NFIB: variants seen among roughly 807,000 people sequenced by gnomAD.
NFIB encodes the protein nuclear factor I B, also known as nuclear factor 1 B-type.
A neutral mutation model predicts 61.5 loss-of-function variants in NFIB; 11 were observed. That is an observed-to-expected ratio of 0.18 (90% CI 0.11 to 0.30). NFIB has a LOEUF of 0.30. NFIB is among the 10% of genes least tolerant of loss of function. The pLI, the probability that NFIB is intolerant of heterozygous loss-of-function variation, is 1.00. For missense variants in NFIB, 471 were observed against 608.9 expected (o/e 0.77, Z 2.38); for synonymous variants, 260 against 216.5 (o/e 1.20, Z -1.76).
intron 2 of NFIB, among the ~76,000 whole-genome samples, chr9:14,230,216 C>T (rs1300419623): frequency 6.6e-6 from 1 of 152,214 alleles, no homozygotes; most frequent in East Asian, 1.9e-4. Context: ...GAAAGCCATT[C>T]ATTTATTAAT....
the NFIB span, among the ~76,000 whole-genome samples, chr9:14,506,918 G>C: frequency 6.6e-6 from 1 of 152,096 alleles, no homozygotes; most frequent in Non-Finnish European, 1.5e-5. Flanking sequence ...GACTTAAAAA[G>C]TAACACAAAT....
intron 6 of NFIB, among the ~76,000 whole-genome samples, chr9:14,129,334 T>C (rs1262520167): frequency 1.4e-5 from 2 of 145,350 alleles, no homozygotes; most frequent in Non-Finnish European, 1.5e-5. Flanking sequence ...CTACACAGCA[T>C]GCAGAAGGCA....
intron 2 of NFIB, among the ~76,000 whole-genome samples, chr9:14,202,785 G>GA (rs967391744): frequency 6.6e-6 from 1 of 152,046 alleles, no homozygotes; most frequent in African/African-American, 2.4e-5. Flanking sequence ...TATTTCTTAT[G>GA]AAAAAAATCA....
intron 1 of NFIB, among the ~76,000 whole-genome samples, chr9:14,312,892 G>C (rs1270559154): frequency 3.3e-5 from 5 of 152,106 alleles, no homozygotes; most frequent in South Asian, 2.1e-4. Context: ...AAACCCCAAA[G>C]TGCAGCAGGT....
At chr9:14,230,179 T>G (rs183505292) in intron 2 of NFIB, among the ~76,000 whole-genome samples, 12 of 152,260 alleles carry the variant, frequency 7.9e-5, no homozygotes, top group Admixed American at 7.8e-4. Flanking sequence ...TCAGGCAGAG[T>G]ACAATTATAA....
chr9:14,333,525 G>T (rs1322133111), intron 1 of NFIB, among the ~76,000 whole-genome samples: 3 of 152,042 alleles, frequency 2.0e-5, no homozygotes, highest in Non-Finnish European at 4.4e-5. Context: ...CATATCATGG[G>T]CACCTTTATA....
the NFIB span, among the ~76,000 whole-genome samples, chr9:14,495,463 T>TTTTTTTTTTTTG: frequency 1.1e-4 from 17 of 149,984 alleles, no homozygotes; most frequent in South Asian, 1.3e-3. Flanking sequence ...TTTTTTTTTT[T>TTTTTTTTTTTTG]TGTCTGAGAG....
At chr9:14,277,360 C>CA (rs981610673) in intron 2 of NFIB, among the ~76,000 whole-genome samples, 21 of 151,846 alleles carry the variant, frequency 1.4e-4, no homozygotes, top group Non-Finnish European at 2.6e-4. Context: ...CACACACACA[C>CA]ACACACACAT....
intron 10 of NFIB, among the ~76,000 whole-genome samples, chr9:14,093,948 G>A (rs916429660): frequency 6.6e-6 from 1 of 152,062 alleles, no homozygotes; most frequent in Non-Finnish European, 1.5e-5. Context: ...TATATAATGT[G>A]TATTATTTGC....
At chr9:14,435,646 C>A in the NFIB span, among the ~76,000 whole-genome samples, 1 of 152,144 alleles carries the variant, frequency 6.6e-6, no homozygotes, top group Non-Finnish European at 1.5e-5. Flanking sequence ...TGAAAGTTTA[C>A]AACATTCCAT....
chr9:14,085,529 T>C lies in NFIB; in HGVS notation c.*2780A>G, dbSNP rs2032728048. Reference sequence around the variant, plus strand: ...TTTAATTCATCCACAGGAAGATTAATTGCTTAAAATTCTATATTTCCCTTC... The same window carrying C: ...TTTAATTCATCCACAGGAAGATTAACTGCTTAAAATTCTATATTTCCCTTC... On this transcript the variant is annotated 3_prime_UTR_variant, in exon 11 of 11. Coordinates refer to ENST00000380953, the MANE Select transcript of NFIB (RefSeq NM_001190737.2). The C allele has an allele frequency of 1.4e-5, 3 of 219,750 alleles. No homozygotes were observed. In the East Asian group the frequency reaches 2.0e-4, roughly 15 times the overall value. 13.6% of individuals were successfully genotyped at this position (219,750 alleles called of 1,614,324 possible).
chr9:14,096,640 A>T (rs896782820), intron 10 of NFIB: 7 of 152,174 alleles, frequency 4.6e-5, no homozygotes, highest in Non-Finnish European at 8.8e-5. Context: ...GTTCAAGTTC[A>T]ATCTGGAATT....
At chr9:14,322,770 G>A (rs1588309338) in intron 1 of NFIB, among the ~76,000 whole-genome samples, 1 of 151,922 alleles carries the variant, frequency 6.6e-6, no homozygotes, top group Admixed American at 6.5e-5. Context: ...GCCGCGCGGC[G>A]CCCCTCTCGA....
intron 10 of NFIB, among the ~76,000 whole-genome samples, chr9:14,103,344 G>T (rs578024719): frequency 9.0e-5 from 13 of 144,572 alleles, no homozygotes; most frequent in Non-Finnish European, 6.0e-5. Flanking sequence ...ATCTGGGTTG[G>T]GGGGGGGGAA....
At chr9:14,455,603 G>A in the NFIB span, among the ~76,000 whole-genome samples, 1 of 152,108 alleles carries the variant, frequency 6.6e-6, no homozygotes, top group African/African-American at 2.4e-5. Context: ...GATTAGTCAG[G>A]TGGCAGACTG....
At chr9:14,465,413 ACT>A in the NFIB span, among the ~76,000 whole-genome samples, 7 of 152,086 alleles carry the variant, frequency 4.6e-5, no homozygotes, top group Middle Eastern at 0.014. Context: ...AAAAATAAAC[ACT>A]CTGTTTGACT....
the NFIB span, among the ~76,000 whole-genome samples, chr9:14,442,499 C>G: frequency 6.6e-6 from 1 of 152,226 alleles, no homozygotes; most frequent in East Asian, 1.9e-4. Flanking sequence ...CAGCAGAGAC[C>G]GATCGCCTCA....
chr9:14,297,591 CAGAA>C (rs1169269153), intron 2 of NFIB, among the ~76,000 whole-genome samples: 4 of 152,212 alleles, frequency 2.6e-5, no homozygotes, highest in Non-Finnish European at 5.9e-5. Context: ...GATGGGAATG[CAGAA>C]ATCTACTGCT....
intron 2 of NFIB, among the ~76,000 whole-genome samples, chr9:14,249,665 G>A (rs752227479): frequency 2.6e-5 from 4 of 151,970 alleles, no homozygotes; most frequent in Non-Finnish European, 4.4e-5. Flanking sequence ...AAATAGAAAG[G>A]AAGGAAGAGA....
Sources: allele counts gnomAD v4.1 joint callset (sites outside exome capture counted in the v4.1 genomes callset), GRCh38; gene constraint gnomAD v4.1.1; transcripts MANE v1.5; gene names NCBI Gene and HGNC (gene_info 2026-07-23, HGNC 2026-07-21).